The following CEP290 variants were observed in gnomAD, a reference collection of about 807,000 sequenced individuals.
CEP290 encodes the protein centrosomal protein 290.
CEP290 carries 317 observed loss-of-function variants against 344.9 expected under a neutral mutation model. That is an observed-to-expected ratio of 0.92 (90% confidence interval 0.84 to 1.01). The LOEUF (loss-of-function observed/expected upper bound fraction) is 1.01. Among genes scored for constraint, CEP290 ranks in the 50% least tolerant of loss-of-function variants. CEP290 has a pLI of 0.00. For missense variants in CEP290, 2,754 were observed against 2,761.4 expected, an observed-to-expected ratio of 1.00 and a Z score of 0.06; for synonymous variants, 932 against 895.8, an observed-to-expected ratio of 1.04 and a Z score of -0.72.
chr12:88,130,401 T>C lies in CEP290; in HGVS notation c.536A>G (p.Asp179Gly). ...LKKKNEQLCQ[D>G]IIDYQKQIDS... is the part of the protein sequence containing the mutation. ...TATTTGTTTCTGGTAGTCAATAATA[T>C]CCTGACAAAGTTGTTCATTCTGAAG... The change falls in exon 9 of 54, where the codon GAT becomes GGT. Residue 179 changes from aspartate (D) to glycine (G), a missense_variant. By Grantham distance (94) the Asp-to-Gly change is moderately conservative (BLOSUM62 -1). Coordinates refer to ENST00000552810, the MANE Select transcript of CEP290 (RefSeq NM_025114.4). The C allele has an allele frequency of 6.2e-7, 1 of 1,607,046 alleles. No individual in the cohort carries two copies. The highest frequency in any genetic ancestry group is 2.2e-5 in the East Asian group (1 of 44,596).
intron 22 of CEP290, 142 bp from the exon 23 acceptor site, chr12:88,109,323 C>A (rs1412745009): frequency 1.1e-5 from 5 of 467,790 alleles, no homozygotes; most frequent in Non-Finnish European, 1.9e-5. Flanking sequence ...ATCATTTTTC[C>A]ATGATATTTT....
chr12:88,137,159 C>G (rs1424952629), intron 5 of CEP290, among the ~76,000 whole-genome samples: 1 of 152,140 alleles, frequency 6.6e-6, no homozygotes, highest in Non-Finnish European at 1.5e-5. Context: ...AGTGCCTTAA[C>G]CTGCCCTTTC....
chr12:88,110,583 C>T (rs1440201777), intron 22 of CEP290, among the ~76,000 whole-genome samples: 1 of 151,964 alleles, frequency 6.6e-6, no homozygotes, highest in Non-Finnish European at 1.5e-5. Context: ...GGGATGCATG[C>T]CTGTAGTCCC....
In CEP290 at chr12:88,129,820, A is replaced by T. The variant is rs949161264; in HGVS notation, c.726T>A (p.Asn242Lys). The T allele has an allele frequency of 2.7e-6, 4 of 1,465,588 alleles. No individual in the cohort carries two copies. The African/African-American group carries it at 4.5e-5, about 16-fold the overall frequency. The allele number at this position is 1,465,588 out of a possible 1,614,324, so 90.8% of individuals were successfully genotyped here. ...IEVQNQEMRK[N>K]LEESVQEMEK... ...CCATTTCCTGTACAGACTCTTCTAA[A>T]TTTTTTCTCATTTCTTGATTCTGAA... is the stretch of plus-strand genomic sequence containing the variant. The change falls in exon 10 of 54, where the codon AAT (asparagine) becomes AAA (lysine). Residue 242 changes from asparagine (N) to lysine (K), a missense_variant. Asn to Lys is a moderately conservative substitution (Grantham distance 94, BLOSUM62 0). Coordinates refer to ENST00000552810, the MANE Select transcript of CEP290 (RefSeq NM_025114.4).
In CEP290 at chr12:88,111,790, C is replaced by A. The variant is rs2038709849; in HGVS notation, c.2121G>T (p.Gln707His). 1.2e-6 allele frequency: 2 copies of A among 1,607,594 alleles called. No individual in the cohort carries two copies. ...ASLHLKAQVD[Q>H]LTGRNEELRQ... Reference sequence around the variant, plus strand: ...TTAATTCTTCATTTCTTCCGGTAAGCTGATCAACTTGGGCTTTCAAATGCA... The same window carrying A: ...TTAATTCTTCATTTCTTCCGGTAAGATGATCAACTTGGGCTTTCAAATGCA... The change falls in exon 21 of 54, where the codon CAG becomes CAT. Residue 707 changes from glutamine (Q) to histidine (H), a missense_variant. Gln to His is a conservative substitution (Grantham distance 24, BLOSUM62 0). Transcript: ENST00000552810.
chr12:88,128,805 CAATA>C (rs1354126631), intron 11 of CEP290, 137 bp downstream of exon 11: 9 of 500,448 alleles, frequency 1.8e-5, no homozygotes, highest in Non-Finnish European at 3.0e-5. Context: ...CTTTTCTAAC[CAATA>C]AATAAAATAA....
intron 46 of CEP290, among the ~76,000 whole-genome samples, chr12:88,062,397 G>A (rs562537735): frequency 2.6e-5 from 4 of 152,230 alleles, no homozygotes; most frequent in African/African-American, 9.6e-5. Flanking sequence ...ATTGGACCAA[G>A]GACCAGTTAG....
intron 13 of CEP290, among the ~76,000 whole-genome samples, chr12:88,122,555 C>T (rs1013349718): frequency 6.6e-6 from 1 of 152,084 alleles, no homozygotes; most frequent in African/African-American, 2.4e-5. Context: ...AAGTTAAGTT[C>T]AAGATGTAGA....
Position 88,120,220 on chromosome 12 carries a change from A to C in CEP290, c.1416T>G (p.Ile472Met). 1 of 1,513,164 alleles carries C rather than the reference A, an allele frequency of 6.6e-7. No homozygotes were observed. The highest frequency in any genetic ancestry group is 8.9e-7 in the Non-Finnish European group (1 of 1,125,034). The allele number at this position is 1,513,164 out of a possible 1,614,324, so 93.7% of individuals were successfully genotyped here. The change falls in exon 15 of 54, where the codon ATT (isoleucine) becomes ATG (methionine). Residue 472 changes from isoleucine (I) to methionine (M), a missense_variant. Transcript: ENST00000552810. ...TTTCAATCTCTCGATCTCTTATTTTAATTTGGTTTTTACAATTCTTTATTT... is the reference window on the plus strand; with the variant it reads ...TTTCAATCTCTCGATCTCTTATTTTCATTTGGTTTTTACAATTCTTTATTT... ...VVEIKNCKNQ[I>M]KIRDREIEIL...
rs1423039230 is a variant in CEP290 at position 88,101,615 on chromosome 12, G to A, written c.2991+1223C>T. Among the ~76,000 whole-genome samples the A allele has an allele frequency of 6.0e-5, 9 of 149,852 alleles. No homozygotes were observed. The East Asian group carries it at 7.9e-4, about 13-fold the overall frequency. On this transcript the variant is annotated intron_variant, in intron 26 of 53. Transcript: ENST00000552810. ...ATGCAGTAAGCGTTAAGCCGAGATCGTGCCACTGCACTCAGCCTGGGTGAC... is the reference window on the plus strand; with the variant it reads ...ATGCAGTAAGCGTTAAGCCGAGATCATGCCACTGCACTCAGCCTGGGTGAC...
intron 48 of CEP290, among the ~76,000 whole-genome samples, chr12:88,059,574 A>T (rs546446348): frequency 6.6e-6 from 1 of 151,980 alleles, no homozygotes; most frequent in East Asian, 1.9e-4. Flanking sequence ...CGCCCGGCTA[A>T]TTTTTTGTAT....
chr12:88,131,239 AAT>A, intron 6 of CEP290, 21 bp from the exon 7 acceptor site: 7 of 1,445,764 alleles, frequency 4.8e-6, no homozygotes, highest in Admixed American at 3.0e-5. Flanking sequence ...AAAAAAAAAA[AAT>A]AAATAAGAAG....
Position 88,130,564 on chromosome 12 carries a change from T to C in CEP290, c.497A>G (p.Asn166Ser), listed in dbSNP as rs2040006244. 3 of 1,584,318 alleles carry C rather than the reference T, an allele frequency of 1.9e-6. No individual in the cohort carries two copies. The South Asian group carries it at 3.5e-5, about 19-fold the overall frequency. ...CCTCACCTTTTTCTTTAGACGTTTG[T>C]TCTACAGAAAAGGACAGGAAAACGG... ...ENENSKLRRE[N>S]KRLKKKNEQL... The change falls in exon 8 of 54, where the codon AAC (asparagine) becomes AGC (serine). Residue 166 changes from asparagine (N) to serine (S), a missense_variant and splice_region_variant. By Grantham distance (46) the Asn-to-Ser change is conservative. Coordinates refer to ENST00000552810, the MANE Select transcript of CEP290 (RefSeq NM_025114.4).
At chr12:88,061,463 T>C (rs1432050034) in intron 46 of CEP290, among the ~76,000 whole-genome samples, 1 of 152,174 alleles carries the variant, frequency 6.6e-6, no homozygotes, top group Non-Finnish European at 1.5e-5. Flanking sequence ...CTGTTTAATA[T>C]AAATAGAAGA....
intron 49 of CEP290, among the ~76,000 whole-genome samples, chr12:88,057,041 C>T (rs1372459528): frequency 6.6e-6 from 1 of 152,102 alleles, no homozygotes; most frequent in East Asian, 1.9e-4. Flanking sequence ...TGACCTGTAT[C>T]GTTCTCAGAC....
intron 49 of CEP290, among the ~76,000 whole-genome samples, chr12:88,056,042 C>T (rs2033975624): frequency 6.6e-6 from 1 of 151,826 alleles, no homozygotes; most frequent in Non-Finnish European, 1.5e-5. Context: ...ATATAAAATT[C>T]TGTATTACTA....
chr12:88,095,945 C>T (rs1372325582), intron 27 of CEP290, among the ~76,000 whole-genome samples: 1 of 152,164 alleles, frequency 6.6e-6, no homozygotes. Flanking sequence ...AAAATGTTCA[C>T]TGTGGCACTA....
chr12:88,061,678 C>T (rs1443697081), intron 46 of CEP290, among the ~76,000 whole-genome samples: 3 of 151,976 alleles, frequency 2.0e-5, no homozygotes, highest in Admixed American at 2.0e-4. Context: ...TTAGTATGCA[C>T]TTTCATAATT....
chr12:88,066,662 T>C (rs1408866557), intron 44 of CEP290, among the ~76,000 whole-genome samples: 1 of 151,580 alleles, frequency 6.6e-6, no homozygotes, highest in African/African-American at 2.4e-5. Context: ...ATTATTATTA[T>C]TTTAGAGACA....
Sources: gnomAD v4.1 joint callset for allele counts (sites outside exome capture counted in the v4.1 genomes callset) on GRCh38, gnomAD v4.1.1 for gene constraint, MANE v1.5 for transcripts, NCBI Gene and HGNC (gene_info 2026-07-23, HGNC 2026-07-21) for gene names.